Variants in ZSCAN30 observed in about 807,000 individuals in gnomAD.
The protein encoded by ZSCAN30 is zinc finger and SCAN domain containing 30.
ZSCAN30 carries 37 observed loss-of-function variants against 44.3 expected under a neutral mutation model. That is an observed-to-expected ratio of 0.84 (90% CI 0.64 to 1.10). ZSCAN30 has a LOEUF of 1.10. Among genes scored for constraint, ZSCAN30 ranks in the 50% least tolerant of loss-of-function variants. The pLI, the probability that ZSCAN30 is intolerant of heterozygous loss-of-function variation, is 0.00. For missense variants in ZSCAN30, 549 were observed against 582.6 expected, an observed-to-expected ratio of 0.94 and a Z score of 0.59; for synonymous variants, 181 against 204.6, an observed-to-expected ratio of 0.88 and a Z score of 0.98.
At position 35,284,631 on chromosome 18, in the gene ZSCAN30, A is replaced by G. The variant is rs1257034106; in HGVS notation, c.-104+5453T>C. On this transcript the variant is annotated intron_variant, in intron 1 of 3. Transcript: ENST00000333206. ...CTAGATCAGAGCAGTCACCAGGAGC[A>G]GGGAGAGGCCAGGCAGCAGAAGCAG... The G allele has an allele frequency of 8.0e-4, 124 of 155,334 alleles. 1 individual carries two copies. The highest frequency in any genetic ancestry group is 1.8e-4 in the Non-Finnish European group (12 of 68,526). The allele number at this position is 155,334 out of a possible 1,614,324, so 9.6% of individuals were successfully genotyped here. A position where few individuals can be genotyped will look rare whatever the true frequency, so the allele number is the denominator to read the frequency against.
At chr18:35,270,889 G>A (rs2044257679) in intron 1 of ZSCAN30, among the ~76,000 whole-genome samples, 1 of 152,176 alleles carries the variant, frequency 6.6e-6, no homozygotes, top group African/African-American at 2.4e-5. Flanking sequence ...TCTTCTGATG[G>A]GTTCGTGGTC....
rs76941536 is a variant in ZSCAN30, at chr18:35,286,716, C to T, written c.-104+3368G>A. On this transcript the variant is annotated intron_variant, in intron 1 of 3. Coordinates refer to ENST00000333206, the MANE Select transcript of ZSCAN30 (RefSeq NM_001112734.4). ...TTAAAAAAAAAGACAAAGATCTTCA[C>T]TTAAGATTGGAAAAAAGACAAAGAT... Among the ~76,000 whole-genome samples, 36 of 152,200 alleles carry T rather than the reference C, an allele frequency of 2.4e-4. No homozygotes were observed. The East Asian group carries it at 6.0e-3, about 25-fold the overall frequency.
At chr18:35,270,217 A>T (rs991425846) in intron 1 of ZSCAN30, 2 of 151,530 alleles carry the variant, frequency 1.3e-5, no homozygotes, top group Non-Finnish European at 2.9e-5. Context: ...GATGTTAATA[A>T]AAAGAAATGA....
At chr18:35,278,297 G>A (rs2044399596) in intron 1 of ZSCAN30, among the ~76,000 whole-genome samples, 1 of 152,076 alleles carries the variant, frequency 6.6e-6, no homozygotes, top group Non-Finnish European at 1.5e-5. Flanking sequence ...CTCTGCCCTT[G>A]GTAGTGTCCC....
Position 35,253,755 on chromosome 18 carries a change from A to C in ZSCAN30, c.1180T>G (p.Phe394Val), listed in dbSNP as rs200117955. Reference protein sequence around the residue: ...PYECGECGKAFSRSSALIQHK... With the variant: ...PYECGECGKAVSRSSALIQHK... ...TGAATAAGGGCTGAGCTCCGGCTGA[A>C]GGCCTTCCCACATTCTCCACATTCA... Residue 394 changes from phenylalanine (F) to valine (V), a missense_variant, in exon 4 of 4, where the codon TTC (phenylalanine) becomes GTC (valine). Transcript: ENST00000333206. The C allele has an allele frequency of 6.2e-7, 1 of 1,614,162 alleles. No individual in the cohort carries two copies. The highest frequency in any genetic ancestry group is 1.3e-5 in the African/African-American group (1 of 75,044).
chr18:35,257,780 C>T (rs1328029575), intron 3 of ZSCAN30: 5 of 712,540 alleles, frequency 7.0e-6, no homozygotes, highest in African/African-American at 3.5e-5. Flanking sequence ...CCCATCTCTG[C>T]GTCAAGAAGA....
At chr18:35,266,415 G>C (rs1438802486) in intron 1 of ZSCAN30, among the ~76,000 whole-genome samples, 1 of 152,112 alleles carries the variant, frequency 6.6e-6, no homozygotes, top group East Asian at 1.9e-4. Context: ...AAGACAAAAA[G>C]ACGGGAGATT....
At chr18:35,259,792 A>G (rs988070553) in intron 3 of ZSCAN30, 2 of 153,660 alleles carry the variant, frequency 1.3e-5, no homozygotes, top group Admixed American at 6.5e-5. Context: ...AGAAAGTAAA[A>G]ATAGTCTACC....
intron 1 of ZSCAN30, among the ~76,000 whole-genome samples, chr18:35,279,691 A>AG (rs1195454341): frequency 6.6e-6 from 1 of 152,236 alleles, no homozygotes; most frequent in Non-Finnish European, 1.5e-5. Context: ...CTCATACGGC[A>AG]GAAAGCCTTG....
intron 1 of ZSCAN30, among the ~76,000 whole-genome samples, chr18:35,276,305 T>C (rs563366420): frequency 6.6e-6 from 1 of 152,120 alleles, no homozygotes; most frequent in African/African-American, 2.4e-5. Context: ...CTTTTTTTTT[T>C]TTAAATTACT....
At position 35,253,566 on chromosome 18, in the gene ZSCAN30, T is replaced by G; in HGVS notation, c.1369A>C (p.Thr457Pro). 6.2e-7 allele frequency: 1 copy of G among 1,614,064 alleles called. No individual in the cohort carries two copies. The highest frequency in any genetic ancestry group is 8.5e-7 in the Non-Finnish European group (1 of 1,179,960). The change falls in exon 4 of 4, where the codon ACC becomes CCC. Residue 457 changes from threonine to proline, a missense_variant. Coordinates refer to ENST00000333206, the MANE Select transcript of ZSCAN30 (RefSeq NM_001112734.4). ...GKSFNQSSAL[T>P]QHQRIHTGEK... ...CCAGTGTGAATTCTCTGGTGCTGGG[T>G]GAGGGCTGAGCTCTGATTGAAGGAT... is the stretch of plus-strand genomic sequence containing the variant.
Position 35,268,046 on chromosome 18 carries a change from C to G in ZSCAN30, c.-103-3591G>C, listed in dbSNP as rs185485772. On this transcript the variant is annotated intron_variant, in intron 1 of 3. Coordinates refer to ENST00000333206, the MANE Select transcript of ZSCAN30 (RefSeq NM_001112734.4). ...TGGTGGACTCTGCCCTCGAGCTGCC[C>G]GTGGCCGCGTGCTGGATGCTGACAC... The G allele has an allele frequency of 2.3e-4, 35 of 152,362 alleles. 2 individuals carry two copies. The highest frequency in any genetic ancestry group is 2.2e-3 in the Admixed American group (33 of 15,298). The allele number at this position is 152,362 out of a possible 1,614,324, so 9.4% of individuals were successfully genotyped here.
intron 1 of ZSCAN30, among the ~76,000 whole-genome samples, chr18:35,280,275 C>CAA (rs34002141): frequency 4.1e-5 from 5 of 122,392 alleles, no homozygotes; most frequent in African/African-American, 1.5e-4. Context: ...TACTTTGTCT[C>CAA]AAAAAAAAAA....
chr18:35,257,102 C>CT (rs2043854728), intron 3 of ZSCAN30: 1 of 152,232 alleles, frequency 6.6e-6, no homozygotes, highest in Non-Finnish European at 1.5e-5. Flanking sequence ...ACACCTCCTG[C>CT]TTTTCTTACT....
chr18:35,284,123 T>G (rs1379540857), intron 1 of ZSCAN30: 2 of 154,788 alleles, frequency 1.3e-5, no homozygotes. Flanking sequence ...CTGTTGTCTC[T>G]GCAGCTCTCA....
chr18:35,282,208 A>G (rs1212538977), intron 1 of ZSCAN30: 2 of 152,222 alleles, frequency 1.3e-5, no homozygotes, highest in Non-Finnish European at 2.9e-5. Flanking sequence ...ATATGTCAGT[A>G]TTTAAGTTAT....
intron 3 of ZSCAN30, among the ~76,000 whole-genome samples, chr18:35,257,710 G>C (rs1044563173): frequency 6.6e-6 from 1 of 152,152 alleles, no homozygotes; most frequent in Admixed American, 6.5e-5. Flanking sequence ...TCCTTCTGTG[G>C]AGAATTACCC....
chr18:35,273,848 C>G (rs78472243), intron 1 of ZSCAN30, among the ~76,000 whole-genome samples: 2,612 of 152,258 alleles, frequency 0.017, 33 homozygotes, highest in Non-Finnish European at 0.024. Context: ...TTTTACGTCC[C>G]TGAATAAAAA....
chr18:35,260,858 C>T (rs569070657), intron 3 of ZSCAN30: 3 of 151,894 alleles, frequency 2.0e-5, no homozygotes, highest in East Asian at 1.9e-4. Flanking sequence ...TCTTTAATTA[C>T]GTCCCATTTG....
Sources: gnomAD v4.1 joint callset for allele counts (sites outside exome capture counted in the v4.1 genomes callset) on GRCh38, gnomAD v4.1.1 for gene constraint, MANE v1.5 for transcripts, NCBI Gene and HGNC (gene_info 2026-07-23, HGNC 2026-07-21) for gene names.